The following XPR1 variants were observed in gnomAD, a reference collection of about 807,000 sequenced individuals.
The protein encoded by XPR1 is solute carrier family 53 member 1.
In XPR1, 28 loss-of-function variants were observed where a neutral mutation model predicts 87.5. The ratio of observed to expected loss-of-function variants is 0.32; its 90% CI spans 0.24 to 0.44. The LOEUF (loss-of-function observed/expected upper bound fraction) is 0.44. Ranked by LOEUF, XPR1 falls within the 20% of genes least tolerant of loss-of-function variation. The pLI, the probability that XPR1 is intolerant of heterozygous loss-of-function variation, is 1.00. For missense variants in XPR1, 559 were observed against 862.3 expected (o/e 0.65, Z 4.41); for synonymous variants, 300 against 306.1 (o/e 0.98, Z 0.21).
chr1:180,675,231 A>G (rs1464982204), intron 1 of XPR1, among the ~76,000 whole-genome samples: 3 of 152,164 alleles, frequency 2.0e-5, no homozygotes, highest in African/African-American at 7.2e-5. Context: ...GAGGGCTTCA[A>G]TATTTAAAGG....
chr1:180,662,309 T>A (rs1655805053), intron 1 of XPR1, among the ~76,000 whole-genome samples: 2 of 152,236 alleles, frequency 1.3e-5, no homozygotes, highest in South Asian at 4.1e-4. Context: ...TATTTTTATT[T>A]TGTTATTCCA....
chr1:180,877,007 T>A (rs1315684611), intron 13 of XPR1, among the ~76,000 whole-genome samples: 1 of 152,248 alleles, frequency 6.6e-6, no homozygotes, highest in Non-Finnish European at 1.5e-5. Flanking sequence ...ATGTCACAGT[T>A]CTGAATACAT....
At chr1:180,748,065 C>T (rs574489666) in intron 2 of XPR1, among the ~76,000 whole-genome samples, 1 of 152,290 alleles carries the variant, frequency 6.6e-6, no homozygotes, top group East Asian at 1.9e-4. Flanking sequence ...CTGGTAGGTA[C>T]CATACACATT....
At chr1:180,690,169 AGT>A (rs1656931681) in intron 2 of XPR1, among the ~76,000 whole-genome samples, 1 of 151,832 alleles carries the variant, frequency 6.6e-6, no homozygotes, top group Non-Finnish European at 1.5e-5. Context: ...AAAAAAAAAA[AGT>A]GTATTTAAAT....
chr1:180,718,954 A>G (rs1041789130), intron 2 of XPR1, among the ~76,000 whole-genome samples: 3 of 152,184 alleles, frequency 2.0e-5, no homozygotes, highest in African/African-American at 7.2e-5. Flanking sequence ...GGCATGAGCC[A>G]CTGTACCCAG....
At chr1:180,823,240 C>CA (rs35189351) in intron 7 of XPR1, among the ~76,000 whole-genome samples, 408 of 135,770 alleles carry the variant, frequency 3.0e-3, no homozygotes, top group African/African-American at 5.8e-3. Flanking sequence ...GACTCCATCT[C>CA]AAAAAAAAAA....
chr1:180,733,771 C>G (rs911352979), intron 2 of XPR1, among the ~76,000 whole-genome samples: 13 of 152,092 alleles, frequency 8.5e-5, no homozygotes, highest in African/African-American at 3.1e-4. Flanking sequence ...GGATAACTTT[C>G]CAGTTTCTAG....
chr1:180,659,373 G>GTCCT (rs200143256), intron 1 of XPR1, among the ~76,000 whole-genome samples: 52 of 73,236 alleles, frequency 7.1e-4, no homozygotes, highest in African/African-American at 2.8e-3. Flanking sequence ...CCTTCCGTCC[G>GTCCT]TCCTTCCGTC....
At chr1:180,755,566 C>T (rs1378653520) in intron 2 of XPR1, among the ~76,000 whole-genome samples, 1 of 152,210 alleles carries the variant, frequency 6.6e-6, no homozygotes, top group Non-Finnish European at 1.5e-5. Context: ...AGCTAGCCCT[C>T]TGCACTACTT....
chr1:180,697,787 T>C (rs967756287), intron 2 of XPR1, among the ~76,000 whole-genome samples: 8 of 152,222 alleles, frequency 5.3e-5, no homozygotes, highest in African/African-American at 1.9e-4. Flanking sequence ...TTTATAGTTT[T>C]ATTCCATTGT....
At chr1:180,827,298 A>C (rs1052301588) in intron 9 of XPR1, among the ~76,000 whole-genome samples, 1 of 151,822 alleles carries the variant, frequency 6.6e-6, no homozygotes, top group Non-Finnish European at 1.5e-5. Flanking sequence ...CCATAAAATT[A>C]TTTTTAAATG....
At chr1:180,761,926 G>A (rs1365526836) in intron 2 of XPR1, among the ~76,000 whole-genome samples, 1 of 152,090 alleles carries the variant, frequency 6.6e-6, no homozygotes, top group African/African-American at 2.4e-5. Flanking sequence ...ATACACCATG[G>A]AATACTATGC....
At chr1:180,638,097 TA>T (rs981274758) in intron 1 of XPR1, among the ~76,000 whole-genome samples, 6 of 152,142 alleles carry the variant, frequency 3.9e-5, no homozygotes, top group African/African-American at 7.2e-5. Flanking sequence ...TAATGAAGAT[TA>T]AAAAAATGAA....
At chr1:180,810,549 A>G (rs922130166) in intron 6 of XPR1, among the ~76,000 whole-genome samples, 8 of 152,060 alleles carry the variant, frequency 5.3e-5, no homozygotes, top group Admixed American at 5.2e-4. Context: ...CCTGCGCTCC[A>G]GCCTAGGCGA....
intron 7 of XPR1, among the ~76,000 whole-genome samples, chr1:180,819,999 A>C (rs797020506): frequency 6.6e-6 from 1 of 152,022 alleles, no homozygotes; most frequent in African/African-American, 2.4e-5. Context: ...CAGCCTGGGC[A>C]ACAGAGCAAG....
intron 2 of XPR1, among the ~76,000 whole-genome samples, chr1:180,770,511 G>T (rs1018428101): frequency 1.3e-5 from 2 of 152,030 alleles, no homozygotes; most frequent in African/African-American, 4.8e-5. Context: ...ATCATATTGG[G>T]GATTAAGTCT....
intron 2 of XPR1, among the ~76,000 whole-genome samples, chr1:180,743,794 C>T (rs530465439): frequency 5.9e-5 from 9 of 152,214 alleles, no homozygotes; most frequent in African/African-American, 2.2e-4. Flanking sequence ...TTTCTTGTTG[C>T]ACTTTAAAAA....
chr1:180,771,501 G>A (rs1351680867), intron 2 of XPR1, among the ~76,000 whole-genome samples: 1 of 152,078 alleles, frequency 6.6e-6, no homozygotes, highest in Non-Finnish European at 1.5e-5. Context: ...CTCAACTACA[G>A]ACCTTACTCA....
chr1:180,819,745 C>T (rs1558024010), intron 7 of XPR1, among the ~76,000 whole-genome samples: 2 of 152,138 alleles, frequency 1.3e-5, no homozygotes, highest in South Asian at 2.1e-4. Flanking sequence ...AGGCCGGGCG[C>T]GGTGGCTCAT....
Sources: allele counts gnomAD v4.1 joint callset (sites outside exome capture counted in the v4.1 genomes callset), GRCh38; gene constraint gnomAD v4.1.1; transcripts MANE v1.5; gene names NCBI Gene and HGNC (gene_info 2026-07-23, HGNC 2026-07-21).